CC2D1A: variants seen among roughly 807,000 people sequenced by gnomAD.
CC2D1A encodes the protein coiled-coil and C2 domain-containing protein 1A.
Under a neutral mutation model 123.8 loss-of-function variants are expected in CC2D1A, and 68 were observed. The observed-to-expected ratio is 0.55, with a 90% CI of 0.45 to 0.67. The LOEUF is 0.67. Ranked by LOEUF, CC2D1A falls within the 30% of genes least tolerant of loss-of-function variation. The probability of loss-of-function intolerance (pLI) is 0.00; values close to 1 mark genes in which losing one functional copy is unlikely to be tolerated. For synonymous variants in CC2D1A, 477 were observed against 528.0 expected, an observed-to-expected ratio of 0.90 and a Z score of 1.32; for missense variants, 1,185 against 1,290.3, an observed-to-expected ratio of 0.92 and a Z score of 1.25.
intron 2 of CC2D1A, among the ~76,000 whole-genome samples, chr19:13,911,533 TTGTG>T (rs1322996927): frequency 2.1e-5 from 3 of 145,808 alleles, no homozygotes; most frequent in Non-Finnish European, 4.4e-5. Context: ...TTTGTTGTTG[TTGTG>T]TGTGTGTGTT....
chr19:13,908,557 C>A (rs151247892), intron 1 of CC2D1A, among the ~76,000 whole-genome samples: 3,586 of 152,030 alleles, frequency 0.024, 143 homozygotes, highest in African/African-American at 0.08. Flanking sequence ...ACCTCCACCT[C>A]CCAGGTTCAA....
Position 13,906,483 on chromosome 19 carries a change from C to T in CC2D1A, c.42C>T (p.Gly14=). 6.7e-7 allele frequency: 1 copy of T among 1,501,136 alleles called. No homozygotes were observed. Among genetic ancestry groups the T allele is most frequent in the Non-Finnish European group, 8.9e-7 (1 of 1,128,236 alleles). 93.0% of individuals were successfully genotyped at this position (1,501,136 alleles called of 1,614,324 possible). ...GACCCCCGGGACCCCCGGGCAGAGGCGCCGCGGCCGCCCGCCAGGTGAGTT... is the reference window on the plus strand; with the variant it reads ...GACCCCCGGGACCCCCGGGCAGAGGTGCCGCGGCCGCCCGCCAGGTGAGTT... ...RKGPPGPPGR[G]AAAARQLGLL... The change falls in exon 1 of 29, where the codon GGC becomes GGT. Residue 14 remains glycine (G), a synonymous_variant. Coordinates refer to ENST00000318003, the MANE Select transcript of CC2D1A (RefSeq NM_017721.5). The surrounding 1 kb of genome is among the most constrained non-coding windows in gnomAD (Gnocchi z 4.1).
At chr19:13,922,636 C>T (rs1971447586) in intron 14 of CC2D1A, among the ~76,000 whole-genome samples, 1 of 152,190 alleles carries the variant, frequency 6.6e-6, no homozygotes, top group Non-Finnish European at 1.5e-5. Context: ...TTGCCCATCT[C>T]CCCCAAGAGA....
Position 13,912,416 on chromosome 19 carries a change from T to G in CC2D1A, c.290T>G (p.Leu97Trp). Residue 97 changes from leucine (L) to tryptophan (W), a missense_variant, in exon 3 of 29, where the codon TTG becomes TGG. Transcript: ENST00000318003. The part of the protein sequence containing the change: ...DEEEGTDEDD[L>W]EADDDLLAEL... Reference sequence around the variant, plus strand: ...GAGGAGGGGACGGATGAGGACGACTTGGAGGCTGATGATGACCTGCTGGTG... The same window carrying G: ...GAGGAGGGGACGGATGAGGACGACTGGGAGGCTGATGATGACCTGCTGGTG... 1 of 1,613,692 alleles carries G rather than the reference T, an allele frequency of 6.2e-7. No individual in the cohort carries two copies. Among genetic ancestry groups the G allele is most frequent in the Non-Finnish European group, 8.5e-7 (1 of 1,179,864 alleles).
At position 13,929,361 on chromosome 19, in the gene CC2D1A, C is replaced by G. The variant is rs762500427; in HGVS notation, c.2520-18C>G. On this transcript the variant is annotated intron_variant, in intron 24 of 28. Coordinates refer to ENST00000318003, the MANE Select transcript of CC2D1A (RefSeq NM_017721.5). ...TGGGGGAATCTCTGCAGTCCCTTAT[C>G]CTTCCTCCACCCCTTAGATCAGCCC... 1 of 1,613,080 alleles carries G rather than the reference C, an allele frequency of 6.2e-7. No homozygotes were observed. The highest frequency in any genetic ancestry group is 1.3e-5 in the African/African-American group (1 of 74,880).
Position 13,930,462 on chromosome 19 carries a change from C to T in CC2D1A, c.*67C>T. ...GCCCCGATACCGGGAAGAGCCGACA[C>T]AGCCACGAACCAGACAAGCAGACAA... On this transcript the variant is annotated 3_prime_UTR_variant, in exon 29 of 29. Coordinates refer to ENST00000318003, the MANE Select transcript of CC2D1A (RefSeq NM_017721.5). The surrounding 1 kb of genome is among the most constrained non-coding windows in gnomAD (Gnocchi z 6.8). The T allele has an allele frequency of 1.3e-6, 2 of 1,485,562 alleles. No individual in the cohort carries two copies. The highest frequency in any genetic ancestry group is 1.3e-5 in the South Asian group (1 of 77,036). The allele number at this position is 1,485,562 out of a possible 1,614,324, so 92.0% of individuals were successfully genotyped here.
intron 1 of CC2D1A, among the ~76,000 whole-genome samples, chr19:13,909,052 G>A (rs1333010787): frequency 3.9e-5 from 6 of 151,996 alleles, no homozygotes; most frequent in Admixed American, 2.6e-4. Context: ...TCAGCCTCCC[G>A]AGTAGCTGGG....
At chr19:13,910,107 T>C (rs1383826749) in intron 2 of CC2D1A, 149 bp downstream of exon 2, 1 of 757,734 alleles carries the variant, frequency 1.3e-6, no homozygotes, top group Non-Finnish European at 1.9e-6. Context: ...AGAGTCAAGA[T>C]CGACTCTGAG....
At position 13,906,441 on chromosome 19, in the gene CC2D1A, G is replaced by T; in HGVS notation, c.-1G>T. ...GGTGGTCCGGGCATCCAGCCTTGAA[G>T]ATGCACAAGAGGAAAGGACCCCCGG... On this transcript the variant is annotated 5_prime_UTR_variant, in exon 1 of 29. Transcript: ENST00000318003. The surrounding 1 kb of genome is among the most constrained non-coding windows in gnomAD (Gnocchi z 4.1). 6.6e-7 allele frequency: 1 copy of T among 1,518,736 alleles called. No homozygotes were observed. Among genetic ancestry groups the T allele is most frequent in the East Asian group, 2.7e-5 (1 of 37,250 alleles). The allele number at this position is 1,518,736 out of a possible 1,614,324, so 94.1% of individuals were successfully genotyped here.
At chr19:13,927,477 A>G in intron 22 of CC2D1A, 1 of 573,946 alleles carries the variant, frequency 1.7e-6, no homozygotes, top group South Asian at 2.1e-5. Context: ...CCATGGGCTC[A>G]TATTTTAGAA....
chr19:13,920,980 C>T, intron 14 of CC2D1A, 58 bp downstream of exon 14: 1 of 1,500,712 alleles, frequency 6.7e-7, no homozygotes, highest in Non-Finnish European at 9.0e-7. Context: ...GCTCCTGCCC[C>T]TTAGCAGCCA....
In CC2D1A at chr19:13,923,237, G is replaced by A; in HGVS notation, c.1642-96G>A. The A allele has an allele frequency of 7.0e-7, 1 of 1,428,272 alleles. No individual in the cohort carries two copies. Among genetic ancestry groups the A allele is most frequent in the African/African-American group, 1.4e-5 (1 of 69,874 alleles). 88.5% of individuals were successfully genotyped at this position (1,428,272 alleles called of 1,614,324 possible). On this transcript the variant is annotated intron_variant, in intron 14 of 28. Transcript: ENST00000318003. The surrounding 1 kb of genome is among the most constrained non-coding windows in gnomAD (Gnocchi z 5.3). ...AGAAGGGTGACAGAGCCGTGGTCAG[G>A]GAATGCCCCTCGTCAAGGAAGAATG...
chr19:13,907,458 C>T (rs1453260215), intron 1 of CC2D1A, among the ~76,000 whole-genome samples: 2 of 151,844 alleles, frequency 1.3e-5, no homozygotes, highest in Non-Finnish European at 2.9e-5. Context: ...GGTGGTGTCT[C>T]ACACCTGTAA....
At position 13,918,070 on chromosome 19, in the gene CC2D1A, G is replaced by A; in HGVS notation, c.749G>A (p.Gly250Asp). 6 of 1,613,116 alleles carry A rather than the reference G, an allele frequency of 3.7e-6. No individual in the cohort carries two copies. The highest frequency in any genetic ancestry group is 5.1e-6 in the Non-Finnish European group (6 of 1,179,912). ...PGLAKPQMPP[G>D]PCSPGPLAQL... ...TCCTGTATGTTGTTCTCCCTTCCAG[G>A]TCCCTGCAGCCCTGGCCCTCTGGCC... is the stretch of plus-strand genomic sequence containing the variant. The change falls in exon 7 of 29, where the codon GGT becomes GAT. Residue 250 changes from glycine (G) to aspartate (D), a missense_variant and splice_region_variant. Physicochemically the swap from Gly to Asp is moderately conservative, Grantham distance 94. Transcript: ENST00000318003.
In CC2D1A at chr19:13,930,652, C is replaced by T. The variant is rs911858613; in HGVS notation, c.*257C>T. 21 of 515,202 alleles carry T rather than the reference C, an allele frequency of 4.1e-5. No homozygotes were observed. Among genetic ancestry groups the T allele is most frequent in the East Asian group, 1.3e-4 (4 of 31,892 alleles). The allele number at this position is 515,202 out of a possible 1,614,324, so 31.9% of individuals were successfully genotyped here. A position where few individuals can be genotyped will look rare whatever the true frequency, so the allele number is the denominator to read the frequency against. ...CCTGTTTGCACAGCCCAGGGGTGTC[C>T]GGCCTCTGGCCCGCCCCGGAGCAGG... On this transcript the variant is annotated 3_prime_UTR_variant, in exon 29 of 29. Transcript: ENST00000318003. This position sits in a 1 kb window ranked among gnomAD's most constrained non-coding sequence, Gnocchi z 6.8.
At chr19:13,910,071 C>T in intron 2 of CC2D1A, 113 bp downstream of exon 2, 1 of 1,048,052 alleles carries the variant, frequency 9.5e-7, no homozygotes, top group South Asian at 2.2e-5. Context: ...GACCCCTGTT[C>T]TCCTGGAGCC....
At chr19:13,914,856 A>C (rs1971148773) in intron 6 of CC2D1A, among the ~76,000 whole-genome samples, 1 of 152,182 alleles carries the variant, frequency 6.6e-6, no homozygotes. Flanking sequence ...GCTAGAACAT[A>C]TCTTCTAAGA....
chr19:13,925,092 C>T (rs1971545359), intron 17 of CC2D1A, among the ~76,000 whole-genome samples: 1 of 152,152 alleles, frequency 6.6e-6, no homozygotes. Context: ...TCTAAGAGGC[C>T]CTCCCTATCT....
At chr19:13,915,483 A>G (rs182792421) in intron 6 of CC2D1A, among the ~76,000 whole-genome samples, 21 of 152,228 alleles carry the variant, frequency 1.4e-4, no homozygotes, top group African/African-American at 4.8e-4. Flanking sequence ...TCCTGACCTC[A>G]GGTGATCCGC....
Sources: gnomAD v4.1 joint callset for allele counts (sites outside exome capture counted in the v4.1 genomes callset) on GRCh38, gnomAD v4.1.1 for gene constraint, Gnocchi (gnomAD v3.1) non-coding constraint, MANE v1.5 for transcripts, NCBI Gene and HGNC (gene_info 2026-07-23, HGNC 2026-07-21) for gene names.